C12orf76: variants seen among roughly 807,000 people sequenced by gnomAD.
The protein encoded by C12orf76 is uncharacterized protein C12orf76.
A neutral mutation model predicts 6.8 loss-of-function variants in C12orf76; 6 were observed. The ratio of observed to expected loss-of-function variants is 0.88; its 90% CI spans 0.48 to 1.73. The LOEUF (loss-of-function observed/expected upper bound fraction) is 1.73, where lower values mean the gene tolerates loss of function less well. Ranked by LOEUF, C12orf76 falls within the 40% of genes most tolerant of loss-of-function variation. The pLI is 0.01. For synonymous variants in C12orf76, 56 were observed against 43.7 expected (o/e 1.28, Z -1.11); for missense variants, 99 against 98.2 (o/e 1.01, Z -0.03).
chr12:110,052,809 T>C (rs1489769435), upstream of C12orf76, among the ~76,000 whole-genome samples: 3 of 152,220 alleles, frequency 2.0e-5, no homozygotes, highest in African/African-American at 7.2e-5. Context: ...CTTGGCTATG[T>C]AACCACCCAG....
At chr12:110,060,802 G>A (rs1213883368) in intron 2 of C12orf76, among the ~76,000 whole-genome samples, 1 of 152,108 alleles carries the variant, frequency 6.6e-6, no homozygotes, top group East Asian at 1.9e-4. Flanking sequence ...TTGGGAGGCT[G>A]AGGTGGGCGG....
At chr12:110,043,898 C>G (rs1892382551) in intron 1 of C12orf76, among the ~76,000 whole-genome samples, 1 of 151,022 alleles carries the variant, frequency 6.6e-6, no homozygotes, top group South Asian at 2.1e-4. Flanking sequence ...GTTTTTAAGA[C>G]TAAATTTCAC....
chr12:110,057,966 A>C (rs987107018), intron 3 of C12orf76, among the ~76,000 whole-genome samples: 1 of 144,010 alleles, frequency 6.9e-6, no homozygotes, highest in African/African-American at 2.5e-5. Context: ...CGGGAGGCTG[A>C]GGTGGGAGAA....
chr12:110,073,412 T>A (rs769640320), intron 1 of C12orf76: 7 of 520,970 alleles, frequency 1.3e-5, no homozygotes, highest in Non-Finnish European at 2.7e-5. Flanking sequence ...CCTCCCTGCA[T>A]CCCACTTACC....
rs1892345817 is a variant in C12orf76 at position 110,042,727 on chromosome 12, G to T, written c.134-268C>A. 5 of 630,930 alleles carry T rather than the reference G, an allele frequency of 7.9e-6. No individual in the cohort carries two copies. In the Admixed American group the frequency reaches 1.0e-4, roughly 13 times the overall value. 39.1% of individuals were successfully genotyped at this position (630,930 alleles called of 1,614,324 possible). ...ATGGAGACAGGGTGGGCAGCAAGAAGGGGGGACAGTCAGGAAGCATCCGAG... is the reference window on the plus strand; with the variant it reads ...ATGGAGACAGGGTGGGCAGCAAGAATGGGGGACAGTCAGGAAGCATCCGAG... On this transcript the variant is annotated intron_variant, in intron 1 of 1. Transcript: ENST00000615315.
At chr12:110,050,714 C>A (rs1195825924), upstream of C12orf76, 2 of 443,890 alleles carry the variant, frequency 4.5e-6, no homozygotes, top group Non-Finnish European at 8.1e-6. Context: ...AAGAAATAAT[C>A]ATAAAAATGC....
chr12:110,064,903 TC>T (rs1209220730), intron 2 of C12orf76, among the ~76,000 whole-genome samples: 1 of 152,164 alleles, frequency 6.6e-6, no homozygotes, highest in Non-Finnish European at 1.5e-5. Flanking sequence ...GAAGCCTCCA[TC>T]CTTGCCCCTC....
upstream of C12orf76, among the ~76,000 whole-genome samples, chr12:110,071,826 T>A (rs1310249359): frequency 1.3e-5 from 2 of 152,124 alleles, no homozygotes; most frequent in Non-Finnish European, 2.9e-5. Context: ...TTGGTGAGGA[T>A]GTGGAGAAAC....
At chr12:110,068,650 C>G (rs1221960829), upstream of C12orf76, among the ~76,000 whole-genome samples, 1 of 152,228 alleles carries the variant, frequency 6.6e-6, no homozygotes, top group African/African-American at 2.4e-5. Context: ...ATAGAAGAAG[C>G]TGGACAGGTT....
chr12:110,060,420 T>C (rs928383638), intron 2 of C12orf76, among the ~76,000 whole-genome samples: 2 of 152,138 alleles, frequency 1.3e-5, no homozygotes, highest in African/African-American at 4.8e-5. Context: ...AACAACGTCA[T>C]TGTCACTAAA....
upstream of C12orf76, among the ~76,000 whole-genome samples, chr12:110,068,246 G>GAAAGAAGAAGA (rs1892901570): frequency 2.0e-5 from 2 of 99,178 alleles, no homozygotes; most frequent in South Asian, 6.6e-4. Flanking sequence ...AGAAGAAGAA[G>GAAAGAAGAAGA]AAAGAAGAAG....
upstream of C12orf76, among the ~76,000 whole-genome samples, chr12:110,069,524 A>T (rs1176736962): frequency 6.6e-6 from 1 of 151,920 alleles, no homozygotes; most frequent in East Asian, 1.9e-4. Flanking sequence ...ACAGCAAACA[A>T]CTCCTTCTTC....
chr12:110,059,278 C>T (rs1352101046), intron 2 of C12orf76: 10 of 1,257,576 alleles, frequency 8.0e-6, no homozygotes, highest in East Asian at 7.7e-5. Context: ...GTGAATTCTT[C>T]GGGATTCTCC....
chr12:110,068,765 G>C (rs1371915501), upstream of C12orf76, among the ~76,000 whole-genome samples: 4 of 152,160 alleles, frequency 2.6e-5, no homozygotes, highest in African/African-American at 9.7e-5. Context: ...CCCCAGTAGG[G>C]ACAGCTGGCC....
intron 2 of C12orf76, among the ~76,000 whole-genome samples, chr12:110,065,346 T>G (rs1177362091): frequency 6.6e-6 from 1 of 151,982 alleles, no homozygotes; most frequent in Non-Finnish European, 1.5e-5. Flanking sequence ...AATTTTTGTA[T>G]TTTTAGTAGA....
rs370702529 is a variant in C12orf76, at chr12:110,043,732, G to A, written c.134-1273C>T. On this transcript the variant is annotated intron_variant, in intron 1 of 1. Coordinates refer to ENST00000615315, the MANE Select transcript of C12orf76 (RefSeq NM_001389625.1). ...TAGCCAGGTGTGGTGGTGTGTGCCT[G>A]TAGTCCCAACTACTCAGGAGGCTGA... Among the ~76,000 whole-genome samples, 56 of 152,098 alleles carry A rather than the reference G, an allele frequency of 3.7e-4. 1 individual carries two copies. In the South Asian group the frequency reaches 0.01, roughly 28 times the overall value.
At chr12:110,058,880 T>C in intron 3 of C12orf76, 1 of 1,289,346 alleles carries the variant, frequency 7.8e-7, no homozygotes, top group South Asian at 1.7e-5. Flanking sequence ...TGCCAACCAC[T>C]CTTCTAAGTC....
chr12:110,042,232 T>G lies in C12orf76; in HGVS notation c.*142A>C. The stretch of plus-strand genomic sequence containing the variant: ...AAATAATGTCTAGTACATGTTTTCT[T>G]CTAATTCATTTAGCATTTACCAACT... On this transcript the variant is annotated 3_prime_UTR_variant, in exon 2 of 2. Transcript: ENST00000615315. The G allele has an allele frequency of 1.5e-6, 1 of 659,172 alleles. No individual in the cohort carries two copies. The highest frequency in any genetic ancestry group is 2.5e-5 in the Admixed American group (1 of 39,992). 40.8% of individuals were successfully genotyped at this position (659,172 alleles called of 1,614,324 possible).
chr12:110,048,484 T>C lies in C12orf76; in HGVS notation c.12A>G (p.Pro4=). The C allele has an allele frequency of 6.9e-7, 1 of 1,451,068 alleles. No homozygotes were observed. The highest frequency in any genetic ancestry group is 9.1e-7 in the Non-Finnish European group (1 of 1,103,010). The allele number at this position is 1,451,068 out of a possible 1,614,324, so 89.9% of individuals were successfully genotyped here. The change falls in exon 1 of 2, where the codon CCA becomes CCG. Residue 4 remains proline, a synonymous_variant. Coordinates refer to ENST00000615315, the MANE Select transcript of C12orf76 (RefSeq NM_001389625.1). ...GGCCAAGGTACAGCCACGGTAACGC[T>C]GGACGCAGCATCTTCCCCAGCCCTG... MLR[P]ALPWLYLGLC... is the part of the protein sequence containing the mutation.
Sources: gnomAD v4.1 joint callset for allele counts (sites outside exome capture counted in the v4.1 genomes callset) on GRCh38, gnomAD v4.1.1 for gene constraint, MANE v1.5 for transcripts, NCBI Gene and HGNC (gene_info 2026-07-23, HGNC 2026-07-21) for gene names.